The following C10orf67 variants were observed in gnomAD, a reference collection of about 807,000 sequenced individuals.
The protein encoded by C10orf67 is chromosome 10 open reading frame 67.
Under a neutral mutation model 35.6 loss-of-function variants are expected in C10orf67, and 60 were observed. That is an observed-to-expected ratio of 1.68 (90% confidence interval 1.37 to 2.09). C10orf67 has a LOEUF of 2.09. C10orf67 is among the 30% of genes most tolerant of loss of function. C10orf67 has a pLI of 0.00. For synonymous variants in C10orf67, 167 were observed against 115.8 expected, an observed-to-expected ratio of 1.44 and a Z score of -2.84; for missense variants, 474 against 330.2, an observed-to-expected ratio of 1.44 and a Z score of -3.38.
chr10:23,243,510 C>A (rs1455590537), intron 12 of C10orf67, among the ~76,000 whole-genome samples: 2 of 151,724 alleles, frequency 1.3e-5, no homozygotes, highest in Non-Finnish European at 2.9e-5. Flanking sequence ...ATGGAGAAAT[C>A]CCGTCTCTAC....
chr10:23,322,745 TG>T (rs1257253895), intron 2 of C10orf67, among the ~76,000 whole-genome samples: 1 of 152,140 alleles, frequency 6.6e-6, no homozygotes. Context: ...CATTAGTATC[TG>T]GGTGATGAAA....
Position 23,250,664 on chromosome 10 carries a change from G to A in C10orf67, c.1228C>T (p.Gln410Ter). 3 of 398,158 alleles carry A rather than the reference G, an allele frequency of 7.5e-6. No homozygotes were observed. Among genetic ancestry groups the A allele is most frequent in the Non-Finnish European group, 1.3e-5 (3 of 225,796 alleles). 24.7% of individuals were successfully genotyped at this position (398,158 alleles called of 1,614,324 possible). A position where few individuals can be genotyped will look rare whatever the true frequency, so the allele number is the denominator to read the frequency against. Residue 410 changes from glutamine (Q) to a stop codon, truncating the protein, a stop_gained, in exon 11 of 16, where the codon CAA becomes TAA. Transcript: ENST00000636213. LOFTEE classifies it high-confidence loss of function. Reference sequence around the variant, plus strand: ...AAATTTGCCTTTAATGCTTCTATTTGAGACTCCAAACCATGTTTGTCTTCA... The same window carrying A: ...AAATTTGCCTTTAATGCTTCTATTTAAGACTCCAAACCATGTTTGTCTTCA... ...VVEDKHGLES[Q>*]IEALKANLEN...
intron 1 of C10orf67, chr10:23,344,063 C>T: frequency 7.0e-6 from 2 of 285,676 alleles, no homozygotes; most frequent in South Asian, 3.2e-5. Flanking sequence ...GTCGGGAACC[C>T]GGCGTCCGTT....
intron 10 of C10orf67, among the ~76,000 whole-genome samples, chr10:23,256,695 T>A (rs1246660304): frequency 6.6e-6 from 1 of 152,018 alleles, no homozygotes; most frequent in Non-Finnish European, 1.5e-5. Context: ...TTTTTTTTTT[T>A]CCTGTCCCTT....
chr10:23,223,101 A>T (rs943477071), intron 15 of C10orf67, among the ~76,000 whole-genome samples: 4 of 152,048 alleles, frequency 2.6e-5, no homozygotes, highest in Non-Finnish European at 4.4e-5. Flanking sequence ...AAATTTAAAG[A>T]CAAGGTCTCA....
At chr10:23,246,729 T>C (rs1231520416) in intron 12 of C10orf67, among the ~76,000 whole-genome samples, 1 of 152,188 alleles carries the variant, frequency 6.6e-6, no homozygotes, top group Non-Finnish European at 1.5e-5. Context: ...AGTGTGTGTG[T>C]TTGTATCTTA....
intron 1 of C10orf67, among the ~76,000 whole-genome samples, chr10:23,334,735 G>A (rs951936478): frequency 5.9e-4 from 90 of 152,236 alleles, no homozygotes; most frequent in Admixed American, 5.8e-3. Flanking sequence ...TTGGGGGCTA[G>A]TAAGAAAGGT....
At position 23,320,829 on chromosome 10, in the gene C10orf67, T is replaced by C. The variant is rs1286370506; in HGVS notation, c.472-14A>G. On this transcript the variant is annotated splice_polypyrimidine_tract_variant and intron_variant, in intron 3 of 15. Coordinates refer to ENST00000636213, the MANE Select transcript of C10orf67 (RefSeq NM_001371909.1). ...CTTATCCTCATTCTGCAAACAAAAA[T>C]AAATGCAATAAGCACCATAATGTAT... The C allele has an allele frequency of 6.5e-7, 1 of 1,535,406 alleles. No individual in the cohort carries two copies. The highest frequency in any genetic ancestry group is 1.2e-5 in the South Asian group (1 of 83,538).
chr10:23,227,918 A>T, intron 13 of C10orf67, among the ~76,000 whole-genome samples: 1 of 152,210 alleles, frequency 6.6e-6, no homozygotes, highest in Non-Finnish European at 1.5e-5. Context: ...ACTACAAACC[A>T]CTGCTCATCG....
chr10:23,327,560 C>T (rs1204335396), intron 2 of C10orf67, among the ~76,000 whole-genome samples: 1 of 152,158 alleles, frequency 6.6e-6, no homozygotes, highest in African/African-American at 2.4e-5. Context: ...GGCACGTTGG[C>T]TCACACCTGT....
Position 23,292,935 on chromosome 10 carries a change from A to G in C10orf67, c.703-1656T>C, listed in dbSNP as rs76352190. 5.2e-3 allele frequency among the ~76,000 whole-genome samples: 783 copies of G among 152,002 alleles called. 6 individuals carry two copies. Among genetic ancestry groups the G allele is most frequent in the African/African-American group, 0.018 (747 of 41,474 alleles). Reference sequence around the variant, plus strand: ...TTAATAAACGAAGAATCCGTCATTAATTTCTTGTCCCACATTGTTCAATTT... The same window carrying G: ...TTAATAAACGAAGAATCCGTCATTAGTTTCTTGTCCCACATTGTTCAATTT... On this transcript the variant is annotated intron_variant, in intron 5 of 15. Transcript: ENST00000636213.
At chr10:23,275,635 G>A (rs1299947856) in intron 8 of C10orf67, among the ~76,000 whole-genome samples, 1 of 152,060 alleles carries the variant, frequency 6.6e-6, no homozygotes, top group East Asian at 1.9e-4. Flanking sequence ...ACTCTAGCAT[G>A]CCCTGCACTG....
At chr10:23,263,761 G>T (rs974341233) in intron 10 of C10orf67, among the ~76,000 whole-genome samples, 1 of 152,172 alleles carries the variant, frequency 6.6e-6, no homozygotes, top group Non-Finnish European at 1.5e-5. Context: ...AGGAAAACCT[G>T]AGAATCCATT....
chr10:23,344,779 AGAG>A lies in C10orf67; in HGVS notation c.-8_-6del. 1 of 1,554,932 alleles carries A rather than the reference AGAG, an allele frequency of 6.4e-7. No homozygotes were observed. The highest frequency in any genetic ancestry group is 8.7e-7 in the Non-Finnish European group (1 of 1,149,226). On this transcript the variant is annotated 5_prime_UTR_variant, in exon 1 of 16. Coordinates refer to ENST00000636213, the MANE Select transcript of C10orf67 (RefSeq NM_001371909.1). ...GCGATCCCGGACCAAGGCCATCATAAGAGGAGAGCAGGCTGCCTAATAAGCTGT... is the reference window on the plus strand; with the variant it reads ...GCGATCCCGGACCAAGGCCATCATAAGAGAGCAGGCTGCCTAATAAGCTGT...
intron 13 of C10orf67, among the ~76,000 whole-genome samples, chr10:23,232,085 G>T (rs1238656683): frequency 6.6e-6 from 1 of 152,130 alleles, no homozygotes; most frequent in Admixed American, 6.5e-5. Context: ...GGCTTCTGGG[G>T]CATGGTAATA....
intron 8 of C10orf67, among the ~76,000 whole-genome samples, chr10:23,267,510 G>A (rs1346545967): frequency 6.6e-6 from 1 of 152,196 alleles, no homozygotes; most frequent in African/African-American, 2.4e-5. Context: ...ATTGCATTAA[G>A]TACAACAAAG....
chr10:23,205,877 T>TA (rs557072263), intron 15 of C10orf67, among the ~76,000 whole-genome samples: 4 of 152,036 alleles, frequency 2.6e-5, no homozygotes, highest in Non-Finnish European at 5.9e-5. Flanking sequence ...TCCTAAATAA[T>TA]AAAAAAAGGA....
At chr10:23,293,091 T>C (rs1019502272) in intron 5 of C10orf67, among the ~76,000 whole-genome samples, 1 of 152,162 alleles carries the variant, frequency 6.6e-6, no homozygotes, top group African/African-American at 2.4e-5. Context: ...AATATGAACA[T>C]CCACAGAGGA....
intron 4 of C10orf67, among the ~76,000 whole-genome samples, chr10:23,313,829 T>C (rs189520092): frequency 6.6e-6 from 1 of 152,000 alleles, no homozygotes; most frequent in East Asian, 1.9e-4. Flanking sequence ...CCTAAAGGCA[T>C]GGAGGAAACA....
Sources: allele counts gnomAD v4.1 joint callset (sites outside exome capture counted in the v4.1 genomes callset), GRCh38; gene constraint gnomAD v4.1.1; transcripts MANE v1.5; gene names NCBI Gene and HGNC (gene_info 2026-07-23, HGNC 2026-07-21).